AZIN2: variants seen among roughly 807,000 people sequenced by gnomAD.
AZIN2 encodes antizyme inhibitor 2.
In AZIN2, 28 loss-of-function variants were observed where a neutral mutation model predicts 47.8. That is an observed-to-expected ratio of 0.59 (90% confidence interval 0.43 to 0.80). The LOEUF (loss-of-function observed/expected upper bound fraction) is 0.80, where lower values mean the gene tolerates loss of function less well. AZIN2 is among the 30% of genes least tolerant of loss of function. AZIN2 has a pLI of 0.00. For synonymous variants in AZIN2, 221 were observed against 239.4 expected (o/e 0.92, Z 0.71); for missense variants, 535 against 582.5 (o/e 0.92, Z 0.84).
intron 9 of AZIN2, 84 bp from the exon 10 acceptor site, chr1:33,097,982 CT>C: frequency 2.0e-6 from 2 of 978,228 alleles, no homozygotes; most frequent in South Asian, 2.8e-5. Context: ...ATTTTGCTTC[CT>C]TACTGAGCCC....
At chr1:33,119,919 T>G in intron 11 of AZIN2, 125 bp from the exon 12 acceptor site, 1 of 1,355,974 alleles carries the variant, frequency 7.4e-7, no homozygotes, top group Non-Finnish European at 1.0e-6. Context: ...AGCCTGTCCC[T>G]GCCCCTGCCC....
At position 33,093,304 on chromosome 1, in the gene AZIN2, G is replaced by T; in HGVS notation, c.475G>T (p.Asp159Tyr). 2 of 1,614,034 alleles carry T rather than the reference G, an allele frequency of 1.2e-6. No individual in the cohort carries two copies. Among genetic ancestry groups the T allele is most frequent in the Admixed American group, 1.7e-5 (1 of 60,010 alleles). The stretch of plus-strand genomic sequence containing the variant: ...CAGGATGGTTCTGTGCATTGCTACC[G>T]ATGACTCCCACTCCCTGAGCTGCCT... ...SAKMVLCIATDDSHSLSCLSL... is the reference protein window; with the variant it reads ...SAKMVLCIATYDSHSLSCLSL... The change falls in exon 7 of 12, where the codon GAT becomes TAT. Residue 159 changes from aspartate to tyrosine, a missense_variant. This residue lies in a region of AZIN2 where 409 missense variants were observed against 429.0 expected (regional missense o/e 0.95). Coordinates refer to ENST00000294517, the MANE Select transcript of AZIN2 (RefSeq NM_052998.4).
At chr1:33,129,985 G>A in the AZIN2 span, among the ~76,000 whole-genome samples, 1 of 152,036 alleles carries the variant, frequency 6.6e-6, no homozygotes, top group African/African-American at 2.4e-5. The surrounding 1 kb of genome is among the most constrained non-coding windows in gnomAD (Gnocchi z 4.1). Flanking sequence ...TCAGCCTCCC[G>A]AGTAGTTGGG....
rs1053199718 is a variant in AZIN2 at position 33,096,990 on chromosome 1, G to C, written c.916+121G>C. 3.2e-6 allele frequency: 4 copies of C among 1,242,406 alleles called. No individual in the cohort carries two copies. In the African/African-American group the frequency reaches 6.0e-5, roughly 19 times the overall value. The allele number at this position is 1,242,406 out of a possible 1,614,324, so 77.0% of individuals were successfully genotyped here. ...ATGGGGGAATCTGGAGAATGAATGG[G>C]TTCTTGCTTTAGGGAAACTTTCAGT... On this transcript the variant is annotated intron_variant, in intron 9 of 11. Transcript: ENST00000294517.
chr1:33,086,893 A>G (rs958195545), intron 5 of AZIN2, among the ~76,000 whole-genome samples: 4 of 152,078 alleles, frequency 2.6e-5, no homozygotes, highest in African/African-American at 9.7e-5. Context: ...TCTTTCCTTC[A>G]GTACTCCTTC....
the AZIN2 span, chr1:33,165,360 A>G: frequency 9.8e-7 from 1 of 1,020,262 alleles, no homozygotes; most frequent in African/African-American, 1.6e-5. The surrounding 1 kb of genome is among the most constrained non-coding windows in gnomAD (Gnocchi z 4.0). Flanking sequence ...CCTTGAAGCC[A>G]GGTTTCCACC....
intron 9 of AZIN2, 60 bp from the exon 10 acceptor site, chr1:33,097,990 GCCCACTGTTGTGTCAGC>G (rs774774040): frequency 1.9e-6 from 2 of 1,060,874 alleles, no homozygotes; most frequent in Non-Finnish European, 2.9e-6. Flanking sequence ...TCCTTACTGA[GCCCACTGTTGTGTCAGC>G]CCCACTACCA....
intron 10 of AZIN2, among the ~76,000 whole-genome samples, chr1:33,106,824 T>C (rs1373228268): frequency 1.3e-5 from 2 of 152,128 alleles, no homozygotes. Flanking sequence ...TCAACAAGGA[T>C]CCTAAGGTCA....
the AZIN2 span, among the ~76,000 whole-genome samples, chr1:33,160,129 A>G: frequency 6.6e-6 from 1 of 152,188 alleles, no homozygotes; most frequent in Admixed American, 6.5e-5. Context: ...TATGTGGTCC[A>G]TTAAATAGCT....
chr1:33,119,943 G>T, intron 11 of AZIN2, 101 bp from the exon 12 acceptor site: 2 of 1,523,972 alleles, frequency 1.3e-6, no homozygotes, highest in Non-Finnish European at 1.8e-6. Context: ...GCTGAGCTCG[G>T]GCTCACGTGA....
chr1:33,127,884 G>A (rs189179616), downstream of AZIN2, among the ~76,000 whole-genome samples: 80 of 152,128 alleles, frequency 5.3e-4, no homozygotes, highest in African/African-American at 1.8e-3. Flanking sequence ...TCAATTAATC[G>A]ACACAGGCCT....
At chr1:33,135,871 G>T in the AZIN2 span, among the ~76,000 whole-genome samples, 3 of 152,152 alleles carry the variant, frequency 2.0e-5, no homozygotes, top group Non-Finnish European at 1.5e-5. Context: ...GAATTGTTGG[G>T]TAAGCGATTG....
At position 33,093,396 on chromosome 1, in the gene AZIN2, T is replaced by A. The variant is rs760242294; in HGVS notation, c.567T>A (p.His189Gln). The A allele has an allele frequency of 6.2e-7, 1 of 1,613,944 alleles. No individual in the cohort carries two copies. The highest frequency in any genetic ancestry group is 8.5e-7 in the Non-Finnish European group (1 of 1,179,904). ...TGCTTGAAAATGCGAAGAAGCACCA[T>A]GTGGAGGTGGTGGGTGTGAGGTGAG... is the stretch of plus-strand genomic sequence containing the variant. ...RHLLENAKKH[H>Q]VEVVGVSFHI... The change falls in exon 7 of 12, where the codon CAT becomes CAA. Residue 189 changes from histidine to glutamine, a missense_variant. By Grantham distance (24) the His-to-Gln change is conservative. Coordinates refer to ENST00000294517, the MANE Select transcript of AZIN2 (RefSeq NM_052998.4).
In AZIN2 at chr1:33,084,094, C is replaced by T; in HGVS notation, c.246C>T (p.Ala82=). 1 of 1,612,886 alleles carries T rather than the reference C, an allele frequency of 6.2e-7. No individual in the cohort carries two copies. The highest frequency in any genetic ancestry group is 1.1e-5 in the South Asian group (1 of 91,038). ...GCCCAGGTGTGCTGAAGGTTCTGGC[C>T]CAGCTGGGGCTGGGCTTTAGCTGTG... is the stretch of plus-strand genomic sequence containing the variant. ...NSSPGVLKVL[A]QLGLGFSCAN... is the part of the protein sequence containing the mutation. The change falls in exon 5 of 12, where the codon GCC becomes GCT. Residue 82 remains alanine, a synonymous_variant. Coordinates refer to ENST00000294517, the MANE Select transcript of AZIN2 (RefSeq NM_052998.4).
the AZIN2 span, chr1:33,145,578 C>G: frequency 5.6e-6 from 1 of 179,234 alleles, no homozygotes; most frequent in South Asian, 1.1e-4. Flanking sequence ...TTTTAAGAAC[C>G]CCCTGTGTTT....
chr1:33,112,962 C>T (rs373584348), intron 10 of AZIN2, among the ~76,000 whole-genome samples: 5 of 152,196 alleles, frequency 3.3e-5, no homozygotes, highest in African/African-American at 1.2e-4. Flanking sequence ...TTTATTTCTT[C>T]CATGAAGGTT....
the AZIN2 span, among the ~76,000 whole-genome samples, chr1:33,148,478 A>G: frequency 6.6e-6 from 1 of 152,142 alleles, no homozygotes; most frequent in Non-Finnish European, 1.5e-5. Flanking sequence ...TAAGGGCAAC[A>G]CCACTGACTG....
At chr1:33,119,716 G>C (rs763535309) in intron 11 of AZIN2, 44 of 388,666 alleles carry the variant, frequency 1.1e-4, no homozygotes, top group Non-Finnish European at 1.7e-4. Context: ...CTGGGGAACT[G>C]ATTGATTACA....
chr1:33,086,198 A>C (rs1641877328), intron 5 of AZIN2, among the ~76,000 whole-genome samples: 1 of 152,046 alleles, frequency 6.6e-6, no homozygotes, highest in African/African-American at 2.4e-5. Context: ...TATTCTCACA[A>C]CAGCCCTGTG....
Sources: gnomAD v4.1 joint callset for allele counts (sites outside exome capture counted in the v4.1 genomes callset) on GRCh38, gnomAD v4.1.1 for gene constraint, gnomAD v4.1.1 regional missense constraint, Gnocchi (gnomAD v3.1) non-coding constraint, MANE v1.5 for transcripts, NCBI Gene and HGNC (gene_info 2026-07-23, HGNC 2026-07-21) for gene names.